The following P2RX4 variants were observed in gnomAD, a reference collection of about 807,000 sequenced individuals.
P2RX4 encodes the protein purinergic receptor P2X 4, also known as P2X purinoceptor 4.
Under a neutral mutation model 48.0 loss-of-function variants are expected in P2RX4, and 37 were observed. That is an observed-to-expected ratio of 0.77 (90% confidence interval 0.59 to 1.01). P2RX4 has a LOEUF of 1.01. P2RX4 is among the 50% of genes least tolerant of loss of function. The pLI, the probability that P2RX4 is intolerant of heterozygous loss-of-function variation, is 0.00. For synonymous variants in P2RX4, 200 were observed against 199.7 expected (o/e 1.00, Z -0.01); for missense variants, 501 against 521.4 (o/e 0.96, Z 0.38).
intron 5 of P2RX4, 110 bp from the exon 6 acceptor site, chr12:121,228,421 CAG>C (rs1555237697): frequency 2.4e-5 from 11 of 462,354 alleles, no homozygotes; most frequent in African/African-American, 1.9e-4. Context: ...CACACACACA[CAG>C]ACACACACAC....
Position 121,232,469 on chromosome 12 carries a change from G to A in P2RX4, c.940G>A (p.Ala314Thr). The A allele has an allele frequency of 6.2e-7, 1 of 1,614,168 alleles. No individual in the cohort carries two copies. Among genetic ancestry groups the A allele is most frequent in the Non-Finnish European group, 8.5e-7 (1 of 1,180,016 alleles). Residue 314 changes from alanine to threonine, a missense_variant, in exon 9 of 12, where the codon GCC (alanine) becomes ACC (threonine). Ala to Thr is a moderately conservative substitution (Grantham distance 58). Around this residue, in one of 3 missense-constraint regions of P2RX4, gnomAD observed 197 missense variants for 219.5 expected, o/e 0.90. Coordinates refer to ENST00000337233, the MANE Select transcript of P2RX4 (RefSeq NM_002560.3). The surrounding 1 kb of genome is among the most constrained non-coding windows in gnomAD (Gnocchi z 4.3). ...AGNEQRTLIK[A>T]YGIRFDIIVF... ...CAACGAGCAGCGCACGCTCATCAAGGCCTATGGCATCCGCTTCGACATCAT... is the reference window on the plus strand; with the variant it reads ...CAACGAGCAGCGCACGCTCATCAAGACCTATGGCATCCGCTTCGACATCAT...
chr12:121,214,668 G>A (rs1263923318), intron 1 of P2RX4: 2 of 152,258 alleles, frequency 1.3e-5, no homozygotes, highest in Non-Finnish European at 2.9e-5. Flanking sequence ...TGAATTCCTA[G>A]AAGCCCTGGA....
At chr12:121,218,586 G>T (rs1886375177) in intron 2 of P2RX4, among the ~76,000 whole-genome samples, 2 of 152,180 alleles carry the variant, frequency 1.3e-5, no homozygotes, top group South Asian at 4.1e-4. Flanking sequence ...TCCTGTGCAG[G>T]CATAGCCTTG....
intron 4 of P2RX4, chr12:121,222,414 TG>T (rs1356166919): frequency 1.5e-4 from 79 of 526,734 alleles, no homozygotes; most frequent in Middle Eastern, 5.1e-4. Flanking sequence ...TTTTTTGTTT[TG>T]TTTTTTTGTT....
At chr12:121,228,939 C>CGT (rs1887171757) in intron 7 of P2RX4, 24 bp from the exon 8 acceptor site, 1 of 1,613,942 alleles carries the variant, frequency 6.2e-7, no homozygotes, top group Non-Finnish European at 8.5e-7. Context: ...AAAGCCTTGC[C>CGT]GTGTCTCTGC....
chr12:121,212,024 C>CA lies in P2RX4; in HGVS notation c.134+1727dup, dbSNP rs796958261. Reference sequence around the variant, plus strand: ...TTGCTGCAGAGTATGATCGGCTGCCCAGGTGATTCTCATGTTCAGCAACGT... The same window carrying CA: ...TTGCTGCAGAGTATGATCGGCTGCCCAAGGTGATTCTCATGTTCAGCAACGT... On this transcript the variant is annotated intron_variant, in intron 1 of 11. Coordinates refer to ENST00000337233, the MANE Select transcript of P2RX4 (RefSeq NM_002560.3). Among the ~76,000 whole-genome samples the CA allele has an allele frequency of 2.6e-5, 4 of 152,348 alleles. No individual in the cohort carries two copies. In the East Asian group the frequency reaches 5.8e-4, roughly 22 times the overall value.
chr12:121,222,013 C>T (rs201830668), intron 3 of P2RX4, 29 bp downstream of exon 3: 3 of 1,604,290 alleles, frequency 1.9e-6, no homozygotes. Context: ...GAGCCCCAGG[C>T]CCCACACCCC....
chr12:121,218,254 G>A (rs866068706), intron 2 of P2RX4, among the ~76,000 whole-genome samples: 10 of 152,082 alleles, frequency 6.6e-5, no homozygotes, highest in Non-Finnish European at 1.3e-4. Flanking sequence ...TTGGGAGGCC[G>A]AGGTCGGTGT....
chr12:121,216,752 G>A (rs537916324), intron 1 of P2RX4: 8 of 509,462 alleles, frequency 1.6e-5, no homozygotes, highest in African/African-American at 7.7e-5. Context: ...CCCGGGAGGC[G>A]GAGGTTGCAG....
chr12:121,230,400 G>A lies in P2RX4; in HGVS notation c.884+1301G>A, dbSNP rs1887263550. On this transcript the variant is annotated intron_variant, in intron 8 of 11. Coordinates refer to ENST00000337233, the MANE Select transcript of P2RX4 (RefSeq NM_002560.3). Reference sequence around the variant, plus strand: ...TCCGTCTCAGGGGGAAAAAAAAGAGGCCCTGCAAGGACCATCCCTGGGCGC... The same window carrying A: ...TCCGTCTCAGGGGGAAAAAAAAGAGACCCTGCAAGGACCATCCCTGGGCGC... Among the ~76,000 whole-genome samples the A allele has an allele frequency of 2.0e-5, 3 of 152,154 alleles. No homozygotes were observed. The South Asian group carries it at 6.2e-4, about 32-fold the overall frequency.
intron 2 of P2RX4, among the ~76,000 whole-genome samples, chr12:121,221,495 G>A (rs1886606738): frequency 6.6e-6 from 1 of 150,680 alleles, no homozygotes; most frequent in South Asian, 2.1e-4. Context: ...CCGGGTTCAA[G>A]CAATTCTCCT....
At position 121,229,903 on chromosome 12, in the gene P2RX4, A is replaced by G. The variant is rs1163946185; in HGVS notation, c.884+804A>G. On this transcript the variant is annotated intron_variant, in intron 8 of 11. Coordinates refer to ENST00000337233, the MANE Select transcript of P2RX4 (RefSeq NM_002560.3). The surrounding 1 kb of genome is among the most constrained non-coding windows in gnomAD (Gnocchi z 4.6). The stretch of plus-strand genomic sequence containing the variant: ...ATATCAGTCACTGAATTTAGGGCCC[A>G]CCCTACTCTAGTATGACCTCATCTT... 6.6e-6 allele frequency among the ~76,000 whole-genome samples: 1 copy of G among 151,710 alleles called. No homozygotes were observed. Among genetic ancestry groups the G allele is most frequent in the Non-Finnish European group, 1.5e-5 (1 of 67,940 alleles).
intron 8 of P2RX4, among the ~76,000 whole-genome samples, chr12:121,230,982 A>AT (rs1306580537): frequency 1.5e-3 from 174 of 113,248 alleles, no homozygotes; most frequent in Middle Eastern, 9.4e-3. Flanking sequence ...ATATATATAT[A>AT]TTTTTTTTTT....
chr12:121,228,560 C>T lies in P2RX4; in HGVS notation c.552C>T (p.Asn184=), dbSNP rs1887139707. ...PQPAFLKAAE[N]FTLLVKNNIW... ...CTGCTTTTTTAAAGGCTGCAGAAAACTTCACTCTTTTGGTTAAGAACAACA... is the reference window on the plus strand; with the variant it reads ...CTGCTTTTTTAAAGGCTGCAGAAAATTTCACTCTTTTGGTTAAGAACAACA... Residue 184 remains asparagine, a synonymous_variant, in exon 6 of 12, where the codon AAC becomes AAT. Coordinates refer to ENST00000337233, the MANE Select transcript of P2RX4 (RefSeq NM_002560.3). 6.2e-7 allele frequency: 1 copy of T among 1,613,134 alleles called. No individual in the cohort carries two copies. Among genetic ancestry groups the T allele is most frequent in the Non-Finnish European group, 8.5e-7 (1 of 1,179,816 alleles).
chr12:121,217,775 A>AAG (rs746619825), intron 2 of P2RX4, among the ~76,000 whole-genome samples: 17,792 of 148,582 alleles, frequency 0.12, 1,103 homozygotes, highest in East Asian at 0.21. Context: ...AAAAAAAAAA[A>AAG]AAGAAAAAAA....
At chr12:121,213,026 TG>T (rs1885993881) in intron 1 of P2RX4, 1 of 151,562 alleles carries the variant, frequency 6.6e-6, no homozygotes, top group Non-Finnish European at 1.5e-5. Flanking sequence ...GGTGTTGCAC[TG>T]TATGGTAGCC....
chr12:121,210,337 C>A, intron 1 of P2RX4, 39 bp downstream of exon 1: 1 of 1,464,430 alleles, frequency 6.8e-7, no homozygotes, highest in South Asian at 1.3e-5. Context: ...GCGGGTGCTG[C>A]CCTCGCGTCC....
chr12:121,233,445 T>C, intron 11 of P2RX4, 78 bp from the exon 12 acceptor site: 12 of 1,485,188 alleles, frequency 8.1e-6, no homozygotes, highest in Non-Finnish European at 1.1e-5. Flanking sequence ...GGCGGTGAAG[T>C]CCCAGGAGCG....
chr12:121,224,370 G>A (rs1886845826), intron 5 of P2RX4, among the ~76,000 whole-genome samples: 1 of 152,176 alleles, frequency 6.6e-6, no homozygotes, highest in South Asian at 2.1e-4. Context: ...TTGGGAGGCT[G>A]AGGCAGTCGG....
Sources: gnomAD v4.1 joint callset for allele counts (sites outside exome capture counted in the v4.1 genomes callset) on GRCh38, gnomAD v4.1.1 for gene constraint, gnomAD v4.1.1 regional missense constraint, Gnocchi (gnomAD v3.1) non-coding constraint, MANE v1.5 for transcripts, NCBI Gene and HGNC (gene_info 2026-07-23, HGNC 2026-07-21) for gene names.